CACNB2: variants seen among roughly 807,000 people sequenced by gnomAD.
The protein encoded by CACNB2 is voltage-dependent L-type calcium channel subunit beta-2.
In CACNB2, 42 loss-of-function variants were observed where a neutral mutation model predicts 73.3. That is an observed-to-expected ratio of 0.57 (90% CI 0.45 to 0.74). The LOEUF is 0.74. Among genes scored for constraint, CACNB2 ranks in the 30% least tolerant of loss-of-function variants. CACNB2 has a pLI of 0.00. For missense variants in CACNB2, 940 were observed against 853.0 expected, an observed-to-expected ratio of 1.10 and a Z score of -1.27; for synonymous variants, 348 against 310.3, an observed-to-expected ratio of 1.12 and a Z score of -1.28.
chr10:18,428,168 G>A (rs894003452), intron 3 of CACNB2, among the ~76,000 whole-genome samples: 16 of 152,152 alleles, frequency 1.1e-4, no homozygotes, highest in African/African-American at 3.9e-4. Context: ...TGTCATTTCT[G>A]TCTCTGATTT....
intron 2 of CACNB2, among the ~76,000 whole-genome samples, chr10:18,185,071 T>C (rs1054708976): frequency 6.6e-6 from 1 of 152,086 alleles, no homozygotes; most frequent in Non-Finnish European, 1.5e-5. Context: ...ACTCCTGGGC[T>C]CAAGCAATCC....
intron 2 of CACNB2, among the ~76,000 whole-genome samples, chr10:18,390,253 C>T (rs2043406881): frequency 6.6e-6 from 1 of 152,232 alleles, no homozygotes; most frequent in South Asian, 2.1e-4. Context: ...CACTCCTTCG[C>T]CCAGGCTGGA....
intron 2 of CACNB2, among the ~76,000 whole-genome samples, chr10:18,221,372 T>C (rs1392779765): frequency 2.0e-5 from 3 of 152,118 alleles, no homozygotes; most frequent in Non-Finnish European, 4.4e-5. Flanking sequence ...CATTACATAG[T>C]TCACAAGTCT....
chr10:18,488,712 T>G (rs2049222987), intron 3 of CACNB2, among the ~76,000 whole-genome samples: 1 of 152,108 alleles, frequency 6.6e-6, no homozygotes, highest in African/African-American at 2.4e-5. Context: ...TTGTAAATTA[T>G]AACTTTCAAG....
intron 2 of CACNB2, among the ~76,000 whole-genome samples, chr10:18,282,915 A>C (rs2038615679): frequency 6.6e-6 from 1 of 152,224 alleles, no homozygotes; most frequent in South Asian, 2.1e-4. Context: ...TTTACAATCT[A>C]CCCATCTGAC....
intron 2 of CACNB2, among the ~76,000 whole-genome samples, chr10:18,339,495 C>T (rs755313350): frequency 7.2e-5 from 11 of 151,942 alleles, no homozygotes; most frequent in African/African-American, 1.5e-4. Flanking sequence ...CACTACAGCC[C>T]GGGCAACACA....
intron 2 of CACNB2, among the ~76,000 whole-genome samples, chr10:18,186,921 G>A (rs545864471): frequency 5.9e-5 from 9 of 152,290 alleles, no homozygotes; most frequent in African/African-American, 2.2e-4. Flanking sequence ...TAGCGCCCTA[G>A]GGGTTTAATA....
chr10:18,175,355 AC>A (rs951210288), intron 2 of CACNB2, among the ~76,000 whole-genome samples: 2 of 152,162 alleles, frequency 1.3e-5, no homozygotes, highest in African/African-American at 4.8e-5. Context: ...GCAGCTGGCC[AC>A]CTTTTTGCTA....
intron 2 of CACNB2, chr10:18,401,106 C>G: frequency 6.2e-7 from 1 of 1,614,120 alleles, no homozygotes; most frequent in South Asian, 1.1e-5. Flanking sequence ...TCTGTGTAAG[C>G]GCAAGGGCTT....
chr10:18,525,195 G>T lies in CACNB2; in HGVS notation c.945-2393G>T, dbSNP rs185005504. On this transcript the variant is annotated intron_variant, in intron 9 of 13. Coordinates refer to ENST00000324631, the MANE Select transcript of CACNB2 (RefSeq NM_201596.3). ...GTGTAGATCTTTCTTTCTGTGCTGG[G>T]TGTCATTCTGGAACATTCCGTGTTA... Among the ~76,000 whole-genome samples the T allele has an allele frequency of 5.5e-3, 714 of 130,032 alleles. 2 individuals carry two copies. Among genetic ancestry groups the T allele is most frequent in the African/African-American group, 0.017 (592 of 34,524 alleles). The allele number at this position is 130,032 out of a possible 152,430, so 85.3% of individuals were successfully genotyped here. A position where few individuals can be genotyped will look rare whatever the true frequency, so the allele number is the denominator to read the frequency against.
At chr10:18,178,163 T>A (rs2033700511) in intron 2 of CACNB2, among the ~76,000 whole-genome samples, 1 of 152,196 alleles carries the variant, frequency 6.6e-6, no homozygotes, top group Admixed American at 6.5e-5. Context: ...TAATGTAGAC[T>A]GGAGTATGAT....
At chr10:18,237,597 A>C (rs1387958360) in intron 2 of CACNB2, among the ~76,000 whole-genome samples, 3 of 152,224 alleles carry the variant, frequency 2.0e-5, no homozygotes, top group African/African-American at 7.2e-5. Flanking sequence ...CATTGCTTTC[A>C]GCCACCTATC....
intron 2 of CACNB2, among the ~76,000 whole-genome samples, chr10:18,398,905 G>C (rs537439049): frequency 1.3e-5 from 2 of 152,208 alleles, no homozygotes; most frequent in African/African-American, 4.8e-5. Flanking sequence ...CCTGGAAACA[G>C]GTCTCAAAGT....
chr10:18,411,894 C>T lies in CACNB2; in HGVS notation c.333+9851C>T, dbSNP rs535309573. ...GACTACACTATCAGCAAAATCCTTACTCTCGAAGTTCTTGCTGCAAAACAA... is the reference window on the plus strand; with the variant it reads ...GACTACACTATCAGCAAAATCCTTATTCTCGAAGTTCTTGCTGCAAAACAA... On this transcript the variant is annotated intron_variant, in intron 3 of 13. Transcript: ENST00000324631. Among the ~76,000 whole-genome samples, 11 of 152,326 alleles carry T rather than the reference C, an allele frequency of 7.2e-5. No individual in the cohort carries two copies. In the East Asian group the frequency reaches 1.9e-3, roughly 27 times the overall value.
Position 18,495,591 on chromosome 10 carries a change from G to A in CACNB2, c.334-2764G>A, listed in dbSNP as rs11014506. 8.1e-3 allele frequency among the ~76,000 whole-genome samples: 1,118 copies of A among 138,570 alleles called. 7 individuals carry two copies. Among genetic ancestry groups the A allele is most frequent in the Admixed American group, 0.011 (147 of 13,828 alleles). The allele number at this position is 138,570 out of a possible 152,430, so 90.9% of individuals were successfully genotyped here. ...TGTGTGTGTGTGTGTGTGTGTGTGT[G>A]TATAAGAGATGAGGTCTCACTTTGT... On this transcript the variant is annotated intron_variant, in intron 3 of 13. Transcript: ENST00000324631.
In CACNB2 at chr10:18,340,766, A is replaced by G. The variant is rs1315270620; in HGVS notation, c.214-61158A>G. 5.9e-6 allele frequency: 9 copies of G among 1,538,332 alleles called. No homozygotes were observed. The South Asian group carries it at 8.8e-5, about 15-fold the overall frequency. On this transcript the variant is annotated intron_variant, in intron 2 of 13. Transcript: ENST00000324631. ...GATCCGACGAACTTTAGAAAGTCAC[A>G]CTAACTAAGACTACACACCCCAAGC... is the stretch of plus-strand genomic sequence containing the variant.
intron 2 of CACNB2, among the ~76,000 whole-genome samples, chr10:18,360,784 G>A (rs2042110506): frequency 6.6e-6 from 1 of 152,160 alleles, no homozygotes; most frequent in South Asian, 2.1e-4. Flanking sequence ...GTCAGATTAT[G>A]CACCTGCTGA....
Position 18,412,456 on chromosome 10 carries a change from T to C in CACNB2, c.333+10413T>C, listed in dbSNP as rs1746871581. ...CTGCCAACCTTATCACCCCAGGCTT[T>C]ATTCTCCTGCTTCAATTTCTTCCCT... On this transcript the variant is annotated intron_variant, in intron 3 of 13. Coordinates refer to ENST00000324631, the MANE Select transcript of CACNB2 (RefSeq NM_201596.3). 2.0e-5 allele frequency among the ~76,000 whole-genome samples: 3 copies of C among 152,220 alleles called. No homozygotes were observed. The South Asian group carries it at 6.2e-4, about 32-fold the overall frequency.
chr10:18,260,296 C>A (rs916483749), intron 2 of CACNB2: 29 of 332,034 alleles, frequency 8.7e-5, no homozygotes, highest in African/African-American at 6.0e-4. Flanking sequence ...TGGGAGCTCT[C>A]ACACTTGGAA....
Sources: gnomAD v4.1 joint callset for allele counts (sites outside exome capture counted in the v4.1 genomes callset) on GRCh38, gnomAD v4.1.1 for gene constraint, MANE v1.5 for transcripts, NCBI Gene and HGNC (gene_info 2026-07-23, HGNC 2026-07-21) for gene names.